SNU13: variants seen among roughly 807,000 people sequenced by gnomAD.
SNU13 encodes the protein small nuclear ribonucleoprotein 13.
Under a neutral mutation model 12.4 loss-of-function variants are expected in SNU13, and 2 were observed. That is an observed-to-expected ratio of 0.16 (90% CI 0.07 to 0.51). SNU13 has a LOEUF of 0.51. Ranked by LOEUF, SNU13 falls within the 20% of genes least tolerant of loss-of-function variation. The pLI, the probability that SNU13 is intolerant of heterozygous loss-of-function variation, is 0.96. For synonymous variants in SNU13, 68 were observed against 66.5 expected (o/e 1.02, Z -0.11); for missense variants, 66 against 157.8 (o/e 0.42, Z 3.12).
chr22:41,685,617 GC>G (rs1188846797), intron 1 of SNU13, among the ~76,000 whole-genome samples: 2 of 151,214 alleles, frequency 1.3e-5, no homozygotes, highest in Non-Finnish European at 2.9e-5. Context: ...CTCCCAAAGC[GC>G]TGGGTTTACA....
chr22:41,677,461 G>A (rs571971694), intron 2 of SNU13, among the ~76,000 whole-genome samples: 2 of 152,146 alleles, frequency 1.3e-5, no homozygotes, highest in Admixed American at 1.3e-4. Flanking sequence ...GGAGGTCGTG[G>A]CTGCAGTGAG....
At chr22:41,688,903 GCGC>G, upstream of SNU13, 1 of 1,472,962 alleles carries the variant, frequency 6.8e-7, no homozygotes, top group East Asian at 2.4e-5. Flanking sequence ...AAATGGCCCC[GCGC>G]GGCAGGAAGC....
upstream of SNU13, chr22:41,689,373 A>AAAT (rs1231733123): frequency 6.6e-6 from 1 of 151,610 alleles, no homozygotes; most frequent in African/African-American, 2.4e-5. Flanking sequence ...TCTCAAAAAA[A>AAAT]AAAAAAAAAA....
In SNU13 at chr22:41,675,135, G is replaced by A. The variant is rs2068200901; in HGVS notation, c.185C>T (p.Pro62Leu). 1 of 1,614,070 alleles carries A rather than the reference G, an allele frequency of 6.2e-7. No individual in the cohort carries two copies. The highest frequency in any genetic ancestry group is 8.5e-7 in the Non-Finnish European group (1 of 1,180,054). Residue 62 changes from proline to leucine, a missense_variant, in exon 3 of 3, where the codon CCA becomes CTA. Physicochemically the swap from Pro to Leu is moderately conservative, Grantham distance 98 (BLOSUM62 -3). Coordinates refer to ENST00000401959, the MANE Select transcript of SNU13 (RefSeq NM_001003796.2). ...EFIVMAADAEPLEIILHLPLL... is the reference protein window; with the variant it reads ...EFIVMAADAELLEIILHLPLL... The stretch of plus-strand genomic sequence containing the variant: ...CGGCAGGTGCAGAATGATCTCCAGT[G>A]GCTCGGCGTCTGCAGCCATCACGAT...
At chr22:41,678,791 C>T (rs1022683203) in intron 2 of SNU13, among the ~76,000 whole-genome samples, 4 of 152,166 alleles carry the variant, frequency 2.6e-5, no homozygotes, top group African/African-American at 7.2e-5. Context: ...AAGAGCACTA[C>T]GACGAGACCC....
intron 1 of SNU13, chr22:41,682,302 C>T: frequency 1.3e-6 from 2 of 1,553,542 alleles, no homozygotes; most frequent in Non-Finnish European, 1.8e-6. Context: ...ACGCTCGCGG[C>T]ACCACAGCTC....
chr22:41,689,709 G>C (rs1294599186), upstream of SNU13, among the ~76,000 whole-genome samples: 1 of 151,852 alleles, frequency 6.6e-6, no homozygotes, highest in Admixed American at 6.6e-5. Context: ...CGGGTGCGGT[G>C]GCTCACGCCT....
chr22:41,681,366 G>C (rs1376343663), intron 1 of SNU13: 1 of 152,160 alleles, frequency 6.6e-6, no homozygotes, highest in East Asian at 1.9e-4. Context: ...TTTGTAGTCA[G>C]CTTGCTTTAA....
At chr22:41,682,452 T>C (rs1601573738) in intron 1 of SNU13, 3 of 1,606,768 alleles carry the variant, frequency 1.9e-6, no homozygotes, top group African/African-American at 1.3e-5. Context: ...AGGACACGGA[T>C]GCCCCGCCCC....
chr22:41,686,526 C>T (rs1235130252), intron 1 of SNU13, among the ~76,000 whole-genome samples: 1 of 150,900 alleles, frequency 6.6e-6, no homozygotes, highest in African/African-American at 2.4e-5. Context: ...GGTTGAACTC[C>T]TGACCTAAGG....
At chr22:41,681,438 T>C (rs2068261978) in intron 1 of SNU13, 1 of 152,260 alleles carries the variant, frequency 6.6e-6, no homozygotes. Flanking sequence ...ATGCAAGTGA[T>C]AGCAACTCAA....
chr22:41,688,885 A>G, upstream of SNU13: 1 of 1,499,160 alleles, frequency 6.7e-7, no homozygotes, highest in Non-Finnish European at 9.0e-7. Context: ...TCACAGAAGC[A>G]GCAGCGGAAA....
At chr22:41,682,251 C>A in intron 1 of SNU13, 2 of 1,278,836 alleles carry the variant, frequency 1.6e-6, no homozygotes, top group Non-Finnish European at 2.3e-6. Flanking sequence ...CTGCCTTTTC[C>A]TCCTTCCGTT....
At chr22:41,678,054 C>T (rs1046199165) in intron 2 of SNU13, among the ~76,000 whole-genome samples, 1 of 151,690 alleles carries the variant, frequency 6.6e-6, no homozygotes, top group African/African-American at 2.4e-5. Context: ...CGGCTCACTG[C>T]AAGCTCCGCC....
chr22:41,688,994 A>G, upstream of SNU13: 5 of 1,321,352 alleles, frequency 3.8e-6, no homozygotes, highest in South Asian at 1.0e-4. Context: ...GTGTCGAAGA[A>G]GGAACGTACT....
chr22:41,675,514 C>T (rs1367376101), intron 2 of SNU13, among the ~76,000 whole-genome samples: 1 of 151,866 alleles, frequency 6.6e-6, no homozygotes, highest in African/African-American at 2.4e-5. Flanking sequence ...CTCCGCTTCC[C>T]GGGTTTAAGT....
At chr22:41,682,427 CTGCCCAGCACCGCAAGGACACGGA>C in intron 1 of SNU13, 1 of 1,612,240 alleles carries the variant, frequency 6.2e-7, no homozygotes, top group Non-Finnish European at 8.5e-7. Context: ...GGACGGTCTG[CTGCCCAGCACCGCAAGGACACGGA>C]TGCCCCGCCC....
At chr22:41,690,258 TAGA>T (rs2068349110), upstream of SNU13, among the ~76,000 whole-genome samples, 1 of 152,162 alleles carries the variant, frequency 6.6e-6, no homozygotes. Flanking sequence ...TGTTTGATAA[TAGA>T]AGGACAGGCA....
chr22:41,687,519 C>T (rs1020480382), intron 1 of SNU13, among the ~76,000 whole-genome samples: 1 of 152,176 alleles, frequency 6.6e-6, no homozygotes, highest in Admixed American at 6.6e-5. Flanking sequence ...TAAAACCAAA[C>T]TAGCTTATAA....
Sources: allele counts gnomAD v4.1 joint callset (sites outside exome capture counted in the v4.1 genomes callset), GRCh38; gene constraint gnomAD v4.1.1; transcripts MANE v1.5; gene names NCBI Gene and HGNC (gene_info 2026-07-23, HGNC 2026-07-21).